The following CNTLN variants were observed in gnomAD, a reference collection of about 807,000 sequenced individuals.
CNTLN encodes the protein centlein, centrosomal protein.
Under a neutral mutation model 180.0 loss-of-function variants are expected in CNTLN, and 212 were observed. That is an observed-to-expected ratio of 1.18 (90% CI 1.05 to 1.32). CNTLN has a LOEUF of 1.32. CNTLN is among the 40% of genes most tolerant of loss of function. The probability of loss-of-function intolerance (pLI) is 0.00; values close to 1 mark genes in which losing one functional copy is unlikely to be tolerated. For synonymous variants in CNTLN, 722 were observed against 563.1 expected, an observed-to-expected ratio of 1.28 and a Z score of -3.99; for missense variants, 2,095 against 1,610.9, an observed-to-expected ratio of 1.30 and a Z score of -5.14.
intron 23 of CNTLN, among the ~76,000 whole-genome samples, chr9:17,471,957 T>A (rs1354696437): frequency 1.3e-5 from 2 of 152,068 alleles, no homozygotes; most frequent in Non-Finnish European, 2.9e-5. Context: ...AGCTTTGATA[T>A]ATGGGTGGAA....
chr9:17,145,089 C>A (rs1234172794), intron 2 of CNTLN, among the ~76,000 whole-genome samples: 1 of 149,986 alleles, frequency 6.7e-6, no homozygotes, highest in South Asian at 2.1e-4. Context: ...GATCCACCCG[C>A]CTCGGCCTCC....
rs1016251095 is a variant in CNTLN at position 17,503,728 on chromosome 9, G to C, written c.*1076G>C. 1 of 152,584 alleles carries C rather than the reference G, an allele frequency of 6.6e-6. No homozygotes were observed. The highest frequency in any genetic ancestry group is 2.4e-5 in the African/African-American group (1 of 41,432). 9.5% of individuals were successfully genotyped at this position (152,584 alleles called of 1,614,324 possible). ...TAGTATGTAGGTCCCATGAGATTAAGGCAAGGGTTGGCAGATTATAGCCTG... is the reference window on the plus strand; with the variant it reads ...TAGTATGTAGGTCCCATGAGATTAACGCAAGGGTTGGCAGATTATAGCCTG... On this transcript the variant is annotated 3_prime_UTR_variant, in exon 26 of 26. Transcript: ENST00000380647.
intron 23 of CNTLN, among the ~76,000 whole-genome samples, chr9:17,476,593 T>C (rs924400133): frequency 1.1e-4 from 16 of 152,214 alleles, no homozygotes; most frequent in African/African-American, 2.7e-4. Context: ...GCCTTATTGC[T>C]GATACACAGA....
In CNTLN at chr9:17,458,482, A is replaced by G. The variant is rs545651390; in HGVS notation, c.3306+767A>G. ...TGCTATAATGTGAGTCACTAGAAAG[A>G]AAATCCTGATTGTAAATGCACAGAG... On this transcript the variant is annotated intron_variant, in intron 19 of 25. Coordinates refer to ENST00000380647, the MANE Select transcript of CNTLN (RefSeq NM_017738.4). Among the ~76,000 whole-genome samples, 18 of 152,124 alleles carry G rather than the reference A, an allele frequency of 1.2e-4. No homozygotes were observed. In the East Asian group the frequency reaches 3.5e-3, roughly 29 times the overall value.
chr9:17,273,666 T>C, intron 5 of CNTLN, 67 bp from the exon 6 acceptor site: 2 of 777,684 alleles, frequency 2.6e-6, no homozygotes, highest in Non-Finnish European at 3.8e-6. Context: ...TAATTAAATA[T>C]AACAGATGTT....
Position 17,202,633 on chromosome 9 carries a change from G to A in CNTLN, c.450-23570G>A, listed in dbSNP as rs1325634119. On this transcript the variant is annotated intron_variant, in intron 2 of 25. Coordinates refer to ENST00000380647, the MANE Select transcript of CNTLN (RefSeq NM_017738.4). ...TAAAGTCTGTTTTATCAGAGCCTAG[G>A]ATTGCAACCTCTGTTTTTTTTTTTT... Among the ~76,000 whole-genome samples the A allele has an allele frequency of 3.0e-4, 40 of 135,006 alleles. 1 individual carries two copies. The highest frequency in any genetic ancestry group is 1.2e-3 in the African/African-American group (39 of 33,446). The allele number at this position is 135,006 out of a possible 152,430, so 88.6% of individuals were successfully genotyped here.
intron 2 of CNTLN, among the ~76,000 whole-genome samples, chr9:17,180,683 C>T (rs1821070075): frequency 6.6e-6 from 1 of 151,948 alleles, no homozygotes; most frequent in Non-Finnish European, 1.5e-5. Context: ...AATTTCTTTT[C>T]TATTTAGAAA....
At chr9:17,339,916 G>A (rs1322852021) in intron 10 of CNTLN, among the ~76,000 whole-genome samples, 2 of 152,142 alleles carry the variant, frequency 1.3e-5, no homozygotes, top group Non-Finnish European at 2.9e-5. Flanking sequence ...CATTTTGGGA[G>A]GCTGAGGCAG....
chr9:17,468,354 A>G (rs1404072672), intron 23 of CNTLN, among the ~76,000 whole-genome samples: 1 of 151,564 alleles, frequency 6.6e-6, no homozygotes, highest in Non-Finnish European at 1.5e-5. Flanking sequence ...AAATTTATCT[A>G]CAGAACCAAC....
intron 12 of CNTLN, among the ~76,000 whole-genome samples, chr9:17,357,008 G>T (rs935936131): frequency 2.0e-5 from 3 of 151,834 alleles, no homozygotes; most frequent in African/African-American, 7.3e-5. Flanking sequence ...ATACATATTT[G>T]TTTCTCATTT....
intron 18 of CNTLN, among the ~76,000 whole-genome samples, chr9:17,446,161 C>A (rs946601088): frequency 6.6e-6 from 1 of 152,132 alleles, no homozygotes; most frequent in African/African-American, 2.4e-5. Flanking sequence ...TGAATAAATA[C>A]TAAGGGAACT....
intron 12 of CNTLN, among the ~76,000 whole-genome samples, chr9:17,350,416 A>C (rs186316223): frequency 3.3e-5 from 5 of 152,314 alleles, no homozygotes; most frequent in African/African-American, 1.2e-4. Context: ...ACAAAGAGAA[A>C]TAATGTTACC....
At chr9:17,402,106 C>A (rs1023723234) in intron 15 of CNTLN, among the ~76,000 whole-genome samples, 3 of 151,734 alleles carry the variant, frequency 2.0e-5, no homozygotes, top group Non-Finnish European at 4.4e-5. Context: ...TGACAAGAAC[C>A]ACATATAGAC....
At chr9:17,522,309 T>C in the CNTLN span, among the ~76,000 whole-genome samples, 1 of 152,084 alleles carries the variant, frequency 6.6e-6, no homozygotes, top group Non-Finnish European at 1.5e-5. Context: ...GTATCAGGCA[T>C]TGTGCTAACC....
intron 12 of CNTLN, among the ~76,000 whole-genome samples, chr9:17,346,249 G>C (rs563057884): frequency 8.9e-4 from 135 of 152,082 alleles, no homozygotes; most frequent in Non-Finnish European, 1.7e-3. Flanking sequence ...GAACACACCA[G>C]CATGAGATCT....
intron 2 of CNTLN, among the ~76,000 whole-genome samples, chr9:17,214,167 T>C (rs1262777996): frequency 1.3e-5 from 2 of 152,210 alleles, no homozygotes; most frequent in African/African-American, 2.4e-5. Context: ...CTTTACACTT[T>C]GGCATGTTTT....
chr9:17,259,627 C>G (rs1300677586), intron 5 of CNTLN, among the ~76,000 whole-genome samples: 1 of 151,016 alleles, frequency 6.6e-6, no homozygotes, highest in Non-Finnish European at 1.5e-5. Flanking sequence ...TGTTGGTAAG[C>G]TGTTGATTAT....
chr9:17,318,648 G>A (rs890952812), intron 8 of CNTLN, among the ~76,000 whole-genome samples: 11 of 152,182 alleles, frequency 7.2e-5, no homozygotes, highest in Non-Finnish European at 1.6e-4. Flanking sequence ...TATTCTCACA[G>A]CTCTCCTAGC....
At position 17,277,669 on chromosome 9, in the gene CNTLN, G is replaced by A. The variant is rs148205383; in HGVS notation, c.983+3803G>A. Among the ~76,000 whole-genome samples the A allele has an allele frequency of 9.9e-5, 15 of 152,164 alleles. No homozygotes were observed. In the East Asian group the frequency reaches 2.7e-3, roughly 27 times the overall value. On this transcript the variant is annotated intron_variant, in intron 6 of 25. Transcript: ENST00000380647. ...ATTTATATATAGTTTAAACTAATAA[G>A]TTTATCATGCTTGGTGGATACATGG...
Sources: allele counts gnomAD v4.1 joint callset (sites outside exome capture counted in the v4.1 genomes callset), GRCh38; gene constraint gnomAD v4.1.1; transcripts MANE v1.5; gene names NCBI Gene and HGNC (gene_info 2026-07-23, HGNC 2026-07-21).